TBCEL: variants seen among roughly 807,000 people sequenced by gnomAD.
TBCEL encodes the protein tubulin-specific chaperone cofactor E-like protein.
A neutral mutation model predicts 44.2 loss-of-function variants in TBCEL; 15 were observed. The observed-to-expected ratio is 0.34, with a 90% CI of 0.23 to 0.52. TBCEL has a LOEUF of 0.52. TBCEL is among the 20% of genes least tolerant of loss of function. The pLI is 0.95. For missense variants in TBCEL, 319 were observed against 506.3 expected (o/e 0.63, Z 3.55); for synonymous variants, 171 against 185.4 (o/e 0.92, Z 0.63).
intron 8 of TBCEL, among the ~76,000 whole-genome samples, chr11:121,061,020 G>C (rs1391773050): frequency 6.6e-6 from 1 of 151,982 alleles, no homozygotes; most frequent in Non-Finnish European, 1.5e-5. Context: ...GTCTCAATCA[G>C]TGTCATATAA....
chr11:121,040,917 T>C (rs1382171281), intron 2 of TBCEL, among the ~76,000 whole-genome samples: 1 of 152,202 alleles, frequency 6.6e-6, no homozygotes, highest in Non-Finnish European at 1.5e-5. Context: ...TATTCATTTC[T>C]ATTTTATCCT....
intron 2 of TBCEL, among the ~76,000 whole-genome samples, chr11:121,038,107 G>A (rs1945266297): frequency 1.3e-5 from 2 of 151,768 alleles, no homozygotes; most frequent in South Asian, 2.1e-4. Context: ...CTACAGGCAC[G>A]TGCCACCATA....
chr11:121,081,342 C>T (rs563681386), intron 8 of TBCEL, among the ~76,000 whole-genome samples: 1 of 152,288 alleles, frequency 6.6e-6, no homozygotes, highest in East Asian at 1.9e-4. Context: ...GCGTACTTTA[C>T]ATTTTAGCAT....
At chr11:121,036,937 A>G (rs981711427) in intron 2 of TBCEL, among the ~76,000 whole-genome samples, 7 of 152,238 alleles carry the variant, frequency 4.6e-5, no homozygotes, top group African/African-American at 1.7e-4. Flanking sequence ...AATGAAATAA[A>G]GAATTTTTGA....
chr11:121,029,821 G>A (rs967887260), intron 1 of TBCEL, among the ~76,000 whole-genome samples: 31 of 152,190 alleles, frequency 2.0e-4, no homozygotes, highest in Admixed American at 2.0e-3. Context: ...TTCACTGTCA[G>A]AAGGTGTTGC....
At chr11:121,075,721 A>G (rs1565505702) in intron 8 of TBCEL, among the ~76,000 whole-genome samples, 1 of 151,948 alleles carries the variant, frequency 6.6e-6, no homozygotes, top group Non-Finnish European at 1.5e-5. Context: ...ACCTAAGTAC[A>G]GTCATGTGTT....
In TBCEL at chr11:121,088,573, T is replaced by C. The variant is rs763817990; in HGVS notation, c.*1477T>C. 6.6e-6 allele frequency: 1 copy of C among 152,198 alleles called. No individual in the cohort carries two copies. Among genetic ancestry groups the C allele is most frequent in the Non-Finnish European group, 1.5e-5 (1 of 68,022 alleles). 9.4% of individuals were successfully genotyped at this position (152,198 alleles called of 1,614,324 possible). ...GGGCAGAAAGTGTGTAAGTGAAGTATTTTTCAAAGAATGCAGTTATTATCT... is the reference window on the plus strand; with the variant it reads ...GGGCAGAAAGTGTGTAAGTGAAGTACTTTTCAAAGAATGCAGTTATTATCT... On this transcript the variant is annotated 3_prime_UTR_variant, in exon 9 of 9. Transcript: ENST00000683345.
intron 4 of TBCEL, among the ~76,000 whole-genome samples, chr11:121,049,422 CTG>C (rs1160230360): frequency 6.6e-6 from 1 of 151,788 alleles, no homozygotes; most frequent in Non-Finnish European, 1.5e-5. Flanking sequence ...AATCTGGTAA[CTG>C]TGTTCGTGGT....
intron 1 of TBCEL, among the ~76,000 whole-genome samples, chr11:121,026,593 C>G (rs973713490): frequency 2.0e-5 from 3 of 152,188 alleles, no homozygotes; most frequent in Non-Finnish European, 4.4e-5. Flanking sequence ...GGGCCACATT[C>G]TTGATCAAAT....
chr11:121,087,893 C>T lies in TBCEL; in HGVS notation c.*797C>T. The T allele has an allele frequency of 6.6e-6, 1 of 152,176 alleles. No individual in the cohort carries two copies. Among genetic ancestry groups the T allele is most frequent in the East Asian group, 1.9e-4 (1 of 5,192 alleles). 9.4% of individuals were successfully genotyped at this position (152,176 alleles called of 1,614,324 possible). A position where few individuals can be genotyped will look rare whatever the true frequency, so the allele number is the denominator to read the frequency against. On this transcript the variant is annotated 3_prime_UTR_variant, in exon 9 of 9. Transcript: ENST00000683345. ...TAATGTCCCTGTACATTATGTCAGCCATTACTTTCATAACATGAAATATGT... is the reference window on the plus strand; with the variant it reads ...TAATGTCCCTGTACATTATGTCAGCTATTACTTTCATAACATGAAATATGT...
chr11:121,053,609 C>G lies in TBCEL; in HGVS notation c.332C>G (p.Pro111Arg). The change falls in exon 5 of 9, where the codon CCT (proline) becomes CGT (arginine). Residue 111 changes from proline (P) to arginine (R), a missense_variant. Physicochemically the swap from Pro to Arg is moderately radical, Grantham distance 103. Coordinates refer to ENST00000683345, the MANE Select transcript of TBCEL (RefSeq NM_001363644.2). ...GAGTTTCTAAACCTGAGTTCCAACC[C>G]TCTGAATTTGTCGGTTTTAGAAAGA... is the stretch of plus-strand genomic sequence containing the variant. ...QLEFLNLSSN[P>R]LNLSVLERTC... 1 of 1,612,300 alleles carries G rather than the reference C, an allele frequency of 6.2e-7. No homozygotes were observed. The highest frequency in any genetic ancestry group is 8.5e-7 in the Non-Finnish European group (1 of 1,178,934).
chr11:121,063,952 T>C (rs1342694043), intron 8 of TBCEL, among the ~76,000 whole-genome samples: 1 of 152,202 alleles, frequency 6.6e-6, no homozygotes, highest in African/African-American at 2.4e-5. Context: ...CACTCGTATA[T>C]TACCCCTCTT....
At chr11:121,049,767 T>C (rs1430183314) in intron 4 of TBCEL, among the ~76,000 whole-genome samples, 2 of 151,808 alleles carry the variant, frequency 1.3e-5, no homozygotes, top group African/African-American at 2.4e-5. Context: ...AACAGTTTAA[T>C]AGTGATGTAG....
rs1370181588 is a variant in TBCEL at position 121,088,910 on chromosome 11, T to C, written c.*1814T>C. 6.6e-6 allele frequency: 1 copy of C among 152,174 alleles called. No homozygotes were observed. Among genetic ancestry groups the C allele is most frequent in the Non-Finnish European group, 1.5e-5 (1 of 68,022 alleles). The allele number at this position is 152,174 out of a possible 1,614,324, so 9.4% of individuals were successfully genotyped here. On this transcript the variant is annotated 3_prime_UTR_variant, in exon 9 of 9. Transcript: ENST00000683345. ...TATTCTCCTTCTGCTGCAGACTTTA[T>C]CTTTCAAAATCATAAAAATGAGCAA...
In TBCEL at chr11:121,058,291, C is replaced by G. The variant is rs1038241436; in HGVS notation, c.713-54C>G. ...GAGCTAATATTTTTGCTATGTTTCTCTTCTTATTTATGTGCATCTCTGGAT... is the reference window on the plus strand; with the variant it reads ...GAGCTAATATTTTTGCTATGTTTCTGTTCTTATTTATGTGCATCTCTGGAT... On this transcript the variant is annotated intron_variant, in intron 6 of 8. Coordinates refer to ENST00000683345, the MANE Select transcript of TBCEL (RefSeq NM_001363644.2). The G allele has an allele frequency of 2.5e-6, 4 of 1,586,588 alleles. No individual in the cohort carries two copies. The African/African-American group carries it at 5.4e-5, about 22-fold the overall frequency.
intron 4 of TBCEL, among the ~76,000 whole-genome samples, chr11:121,049,614 C>T (rs1314297531): frequency 2.6e-5 from 4 of 151,812 alleles, no homozygotes; most frequent in East Asian, 3.9e-4. Context: ...TAACAAATTA[C>T]AGATTGTGCC....
rs927361443 is a variant in TBCEL at position 121,089,369 on chromosome 11, T to C, written c.*2273T>C. The C allele has an allele frequency of 6.6e-6, 1 of 152,204 alleles. No homozygotes were observed. Among genetic ancestry groups the C allele is most frequent in the Admixed American group, 6.5e-5 (1 of 15,272 alleles). 9.4% of individuals were successfully genotyped at this position (152,204 alleles called of 1,614,324 possible). A position where few individuals can be genotyped will look rare whatever the true frequency, so the allele number is the denominator to read the frequency against. ...CGGACATAATTCTTTTATTATACAG[T>C]TGCATGTAAAGGGAGCTTCTCATTT... On this transcript the variant is annotated 3_prime_UTR_variant, in exon 9 of 9. Transcript: ENST00000683345.
At chr11:121,043,086 C>T (rs1187257823) in intron 2 of TBCEL, among the ~76,000 whole-genome samples, 2 of 152,106 alleles carry the variant, frequency 1.3e-5, no homozygotes, top group Admixed American at 6.5e-5. Flanking sequence ...ACGTTAATAC[C>T]TTATTTTATA....
intron 8 of TBCEL, among the ~76,000 whole-genome samples, chr11:121,067,808 A>G (rs1945848449): frequency 6.6e-6 from 1 of 152,160 alleles, no homozygotes. Context: ...CTAGGAAATA[A>G]CTCTAGATTC....
Sources: gnomAD v4.1 joint callset for allele counts (sites outside exome capture counted in the v4.1 genomes callset) on GRCh38, gnomAD v4.1.1 for gene constraint, MANE v1.5 for transcripts, NCBI Gene and HGNC (gene_info 2026-07-23, HGNC 2026-07-21) for gene names.